The following RNF216 variants were observed in gnomAD, a reference collection of about 807,000 sequenced individuals.
RNF216 encodes the protein ring finger protein 216, also known as E3 ubiquitin-protein ligase RNF216.
A neutral mutation model predicts 110.8 loss-of-function variants in RNF216; 72 were observed. The ratio of observed to expected loss-of-function variants is 0.65; its 90% confidence interval spans 0.54 to 0.79. RNF216 has a LOEUF of 0.79. RNF216 is among the 30% of genes least tolerant of loss of function. The pLI is 0.00. For synonymous variants in RNF216, 495 were observed against 407.5 expected (o/e 1.21, Z -2.59); for missense variants, 1,342 against 1,141.2 (o/e 1.18, Z -2.54).
intron 13 of RNF216, among the ~76,000 whole-genome samples, chr7:5,688,237 G>C (rs988708486): frequency 1.3e-5 from 2 of 152,158 alleles, no homozygotes; most frequent in African/African-American, 4.8e-5. Flanking sequence ...AGAAAAAGCA[G>C]AGTAGAAAGC....
At chr7:5,751,421 C>T (rs1795322113) in intron 3 of RNF216, among the ~76,000 whole-genome samples, 1 of 152,076 alleles carries the variant, frequency 6.6e-6, no homozygotes, top group Admixed American at 6.5e-5. Context: ...AAACTCAAAA[C>T]GGAAGCATCC....
chr7:5,627,657 G>A (rs766440219), intron 15 of RNF216, among the ~76,000 whole-genome samples: 28 of 151,940 alleles, frequency 1.8e-4, no homozygotes, highest in Non-Finnish European at 4.0e-4. Flanking sequence ...TGAGGCAGGA[G>A]AATGGCTTGA....
At chr7:5,662,129 C>CT (rs1278034228) in intron 13 of RNF216, among the ~76,000 whole-genome samples, 1 of 152,184 alleles carries the variant, frequency 6.6e-6, no homozygotes, top group African/African-American at 2.4e-5. Flanking sequence ...TGCAGGATGT[C>CT]TGCTTCCTGG....
intron 7 of RNF216, among the ~76,000 whole-genome samples, chr7:5,728,346 G>A (rs370328786): frequency 5.3e-4 from 80 of 152,126 alleles, no homozygotes; most frequent in African/African-American, 1.8e-3. Context: ...GTGGGAGGCT[G>A]AGGTGGGCAG....
At chr7:5,727,208 C>T (rs1793814755) in intron 7 of RNF216, among the ~76,000 whole-genome samples, 1 of 152,214 alleles carries the variant, frequency 6.6e-6, no homozygotes, top group Non-Finnish European at 1.5e-5. Flanking sequence ...GATCTCATCT[C>T]TCTTTCAATG....
rs1241614710 is a variant in RNF216 at position 5,696,177 on chromosome 7, T to G, written c.2061+15584A>C. ...CAGTCCATGTGGTGACGAAGAGCAG[T>G]TGGTACCGCATGGCTTTAAATTGTT... On this transcript the variant is annotated intron_variant, in intron 13 of 16. Transcript: ENST00000389902. The surrounding 1 kb of genome is among the most constrained non-coding windows in gnomAD (Gnocchi z 5.4). Among the ~76,000 whole-genome samples the G allele has an allele frequency of 6.6e-6, 1 of 152,108 alleles. No homozygotes were observed. Among genetic ancestry groups the G allele is most frequent in the African/African-American group, 2.4e-5 (1 of 41,426 alleles).
rs150347267 is a variant in RNF216, at chr7:5,717,288, G to A, written c.1645-522C>T. On this transcript the variant is annotated intron_variant, in intron 9 of 16. Transcript: ENST00000389902. The stretch of plus-strand genomic sequence containing the variant: ...AGATTACTTGAACCTGGGAGGCAGA[G>A]GTTGCAGTGAGCCGAAATCGCACCA... Among the ~76,000 whole-genome samples, 31 of 152,358 alleles carry A rather than the reference G, an allele frequency of 2.0e-4. No homozygotes were observed. In the East Asian group the frequency reaches 4.4e-3, roughly 22 times the overall value.
intron 13 of RNF216, among the ~76,000 whole-genome samples, chr7:5,709,919 T>A (rs2128627698): frequency 6.6e-6 from 1 of 152,296 alleles, no homozygotes; most frequent in East Asian, 1.9e-4. Flanking sequence ...CATGCCTAGC[T>A]GAGTTTTAAA....
chr7:5,690,327 C>CAAA lies in RNF216; in HGVS notation c.2061+21431_2061+21433dup, dbSNP rs200036930. On this transcript the variant is annotated intron_variant, in intron 13 of 16. Transcript: ENST00000389902. Reference sequence around the variant, plus strand: ...GGGCAACAAGAGTGAAATTCCATCTCAAAAAAAAAAAAAAAAGATTTTAAA... The same window carrying CAAA: ...GGGCAACAAGAGTGAAATTCCATCTCAAAAAAAAAAAAAAAAAAAGATTTTAAA... Among the ~76,000 whole-genome samples, 220 of 100,408 alleles carry CAAA rather than the reference C, an allele frequency of 2.2e-3. 3 individuals are homozygous for CAAA. The highest frequency in any genetic ancestry group is 6.3e-3 in the African/African-American group (200 of 31,694). 65.9% of individuals were successfully genotyped at this position (100,408 alleles called of 152,430 possible).
intron 13 of RNF216, among the ~76,000 whole-genome samples, chr7:5,656,067 G>C (rs1158107889): frequency 6.6e-6 from 1 of 151,996 alleles, no homozygotes; most frequent in Non-Finnish European, 1.5e-5. Flanking sequence ...TCAGGAGTTT[G>C]AGACCAGCCT....
intron 13 of RNF216, among the ~76,000 whole-genome samples, chr7:5,698,114 T>A (rs1457318252): frequency 6.6e-6 from 1 of 152,160 alleles, no homozygotes; most frequent in Non-Finnish European, 1.5e-5. Flanking sequence ...TCTGAGAAAC[T>A]CTCTTAGCCT....
chr7:5,706,445 A>G (rs146001683), intron 13 of RNF216, among the ~76,000 whole-genome samples: 88 of 152,260 alleles, frequency 5.8e-4, no homozygotes, highest in African/African-American at 2.1e-3. Flanking sequence ...GAGTCTGACT[A>G]CTTTAGATCC....
At chr7:5,662,702 C>G (rs1315062023) in intron 13 of RNF216, 1 of 152,148 alleles carries the variant, frequency 6.6e-6, no homozygotes, top group Non-Finnish European at 1.5e-5. Context: ...AGCCCTTGTC[C>G]TCTTAGAGTC....
intron 3 of RNF216, among the ~76,000 whole-genome samples, chr7:5,746,122 G>A (rs1280478055): frequency 6.6e-6 from 1 of 152,264 alleles, no homozygotes; most frequent in East Asian, 1.9e-4. Flanking sequence ...GGGAAGTAAC[G>A]TTTTCCTCAT....
At chr7:5,764,026 C>T (rs1796071121) in intron 1 of RNF216, among the ~76,000 whole-genome samples, 1 of 151,272 alleles carries the variant, frequency 6.6e-6, no homozygotes, top group Non-Finnish European at 1.5e-5. Context: ...CCTGCTTCTA[C>T]TAAAAATACA....
chr7:5,715,818 T>C (rs974223391), intron 10 of RNF216, among the ~76,000 whole-genome samples: 6 of 149,814 alleles, frequency 4.0e-5, no homozygotes, highest in Non-Finnish European at 8.9e-5. Flanking sequence ...CTTGGCTCAC[T>C]GCAACCTCCA....
At chr7:5,769,529 C>G (rs1796384162) in intron 1 of RNF216, among the ~76,000 whole-genome samples, 1 of 151,724 alleles carries the variant, frequency 6.6e-6, no homozygotes, top group African/African-American at 2.4e-5. Flanking sequence ...TCAAGACCAG[C>G]CTGGGCAACA....
Position 5,623,129 on chromosome 7 carries a change from CCTTCTCCACAGG to C in RNF216, c.2491_2502del (p.Pro831_Lys834del). ...CTCGGGAGGGCCTCCACCCTCTGCA[CCTTCTCCACAGG>C]CTTCTCCAGCGGGGGTCCAATGCGT... On this transcript the variant is annotated inframe_deletion, in exon 17 of 17. Coordinates refer to ENST00000389902, the MANE Select transcript of RNF216 (RefSeq NM_207111.4). 1 of 1,597,110 alleles carries C rather than the reference CCTTCTCCACAGG, an allele frequency of 6.3e-7. No homozygotes were observed.
chr7:5,647,328 C>CTTTTTT (rs10617479), intron 14 of RNF216, among the ~76,000 whole-genome samples: 7 of 94,800 alleles, frequency 7.4e-5, no homozygotes, highest in Admixed American at 1.2e-4. Context: ...TTCTTTCTTT[C>CTTTTTT]TTTTTTTTTT....
Sources: allele counts gnomAD v4.1 joint callset (sites outside exome capture counted in the v4.1 genomes callset), GRCh38; gene constraint gnomAD v4.1.1; non-coding constraint Gnocchi (gnomAD v3.1); transcripts MANE v1.5; gene names NCBI Gene and HGNC (gene_info 2026-07-23, HGNC 2026-07-21).